PLB1: variants seen among roughly 807,000 people sequenced by gnomAD.
PLB1 encodes the protein phospholipase B1, membrane-associated.
PLB1 carries 242 observed loss-of-function variants against 227.4 expected under a neutral mutation model. The ratio of observed to expected loss-of-function variants is 1.06; its 90% CI spans 0.96 to 1.18. The LOEUF (loss-of-function observed/expected upper bound fraction) is 1.18, where lower values mean the gene tolerates loss of function less well. Ranked by LOEUF, PLB1 falls within the 50% of genes most tolerant of loss-of-function variation. The probability of loss-of-function intolerance (pLI) is 0.00; values close to 1 mark genes in which losing one functional copy is unlikely to be tolerated. For missense variants in PLB1, 1,858 were observed against 1,816.3 expected, an observed-to-expected ratio of 1.02 and a Z score of -0.42; for synonymous variants, 757 against 682.2, an observed-to-expected ratio of 1.11 and a Z score of -1.71.
At chr2:28,573,358 G>A in intron 21 of PLB1, 53 bp downstream of exon 21, 1 of 1,410,670 alleles carries the variant, frequency 7.1e-7, no homozygotes, top group Non-Finnish European at 1.0e-6. Context: ...GAGGACCAGG[G>A]GTGGGCTTGG....
intron 46 of PLB1, among the ~76,000 whole-genome samples, chr2:28,619,727 T>C (rs1028463829): frequency 6.6e-6 from 1 of 152,092 alleles, no homozygotes; most frequent in Admixed American, 6.5e-5. Context: ...GGCAGGTAAT[T>C]AGCTTAGCCC....
At chr2:28,596,713 G>A (rs1400947303) in intron 33 of PLB1, among the ~76,000 whole-genome samples, 1 of 152,218 alleles carries the variant, frequency 6.6e-6, no homozygotes, top group African/African-American at 2.4e-5. Flanking sequence ...CCATCCACGA[G>A]CAAGTTAGGC....
Position 28,525,934 on chromosome 2 carries a change from G to A in PLB1, c.314G>A (p.Gly105Glu). 6.2e-7 allele frequency: 1 copy of A among 1,614,098 alleles called. No individual in the cohort carries two copies. The highest frequency in any genetic ancestry group is 1.1e-5 in the South Asian group (1 of 91,076). ...GAAAGGCCACAGCAGGTGTGCATGG[G>A]AGTGATGACAGGTGAGTTGTGGTTT... ...WTERPQQVCMGVMTVLSDIIR... is the reference protein window; with the variant it reads ...WTERPQQVCMEVMTVLSDIIR... Residue 105 changes from glycine to glutamate, a missense_variant, in exon 6 of 58, where the codon GGA (glycine) becomes GAA (glutamate). Coordinates refer to ENST00000327757, the MANE Select transcript of PLB1 (RefSeq NM_153021.5).
At chr2:28,542,417 T>C (rs1191940302) in intron 13 of PLB1, among the ~76,000 whole-genome samples, 3 of 152,032 alleles carry the variant, frequency 2.0e-5, no homozygotes, top group African/African-American at 4.8e-5. Context: ...CTGTGTGACC[T>C]TGGACAAGGT....
chr2:28,573,586 A>G (rs1573068992), intron 21 of PLB1, among the ~76,000 whole-genome samples: 1 of 152,218 alleles, frequency 6.6e-6, no homozygotes, highest in Non-Finnish European at 1.5e-5. Context: ...GACATAGGTT[A>G]TAAGCAGGCT....
At chr2:28,593,562 T>C (rs1399476790) in intron 32 of PLB1, 119 bp from the exon 33 acceptor site, 7 of 797,682 alleles carry the variant, frequency 8.8e-6, no homozygotes, top group Non-Finnish European at 1.1e-5. Flanking sequence ...CCTGGTTCCA[T>C]GTCTGCTCCT....
chr2:28,629,742 G>A (rs549086536), intron 53 of PLB1, among the ~76,000 whole-genome samples: 1 of 152,294 alleles, frequency 6.6e-6, no homozygotes, highest in South Asian at 2.1e-4. Flanking sequence ...CCTTGATGGG[G>A]CCTGTCCTTG....
rs1333115125 is a variant in PLB1 at position 28,643,511 on chromosome 2, A to G, written c.*450A>G. Reference sequence around the variant, plus strand: ...GAGCTGGCTGGTTGCCATTCAGTCCAATCCAACACATACCTATTAAGCAAC... The same window carrying G: ...GAGCTGGCTGGTTGCCATTCAGTCCGATCCAACACATACCTATTAAGCAAC... On this transcript the variant is annotated 3_prime_UTR_variant, in exon 58 of 58. Transcript: ENST00000327757. 7 of 162,418 alleles carry G rather than the reference A, an allele frequency of 4.3e-5. No individual in the cohort carries two copies. Among genetic ancestry groups the G allele is most frequent in the Non-Finnish European group, 6.7e-5 (5 of 74,466 alleles). 10.1% of individuals were successfully genotyped at this position (162,418 alleles called of 1,614,324 possible).
At chr2:28,566,498 A>G (rs1676927935) in intron 19 of PLB1, 2 of 391,084 alleles carry the variant, frequency 5.1e-6, no homozygotes, top group Non-Finnish European at 9.3e-6. Context: ...CAGACGAGGG[A>G]CTACTTCCCC....
chr2:28,587,812 C>A (rs373089343), intron 26 of PLB1, among the ~76,000 whole-genome samples: 1 of 152,166 alleles, frequency 6.6e-6, no homozygotes, highest in African/African-American at 2.4e-5. Flanking sequence ...GGAAAGCAGG[C>A]GTTCTCTCAT....
chr2:28,641,567 C>A (rs1477870716), intron 57 of PLB1, among the ~76,000 whole-genome samples: 1 of 152,162 alleles, frequency 6.6e-6, no homozygotes, highest in African/African-American at 2.4e-5. Context: ...GAGGTCATGC[C>A]ACTGCACTCC....
intron 9 of PLB1, 145 bp downstream of exon 9, chr2:28,532,339 TGG>T: frequency 5.5e-6 from 3 of 542,860 alleles, no homozygotes; most frequent in Non-Finnish European, 9.8e-6. Context: ...GATGGATGGA[TGG>T]ATGGATAGAT....
At chr2:28,530,111 G>T (rs913144888) in intron 8 of PLB1, among the ~76,000 whole-genome samples, 1 of 151,980 alleles carries the variant, frequency 6.6e-6, no homozygotes, top group Non-Finnish European at 1.5e-5. Flanking sequence ...TGCCCGCCTC[G>T]GCCTCCTAAA....
chr2:28,496,224 C>T, intron 1 of PLB1, 55 bp downstream of exon 1: 3 of 1,553,618 alleles, frequency 1.9e-6, no homozygotes, highest in Non-Finnish European at 1.8e-6. Flanking sequence ...GCTGGTGTCC[C>T]ATGTTGCTTA....
At position 28,525,743 on chromosome 2, in the gene PLB1, A is replaced by G. The variant is rs572197638; in HGVS notation, c.285-162A>G. Among the ~76,000 whole-genome samples, 8 of 152,252 alleles carry G rather than the reference A, an allele frequency of 5.3e-5. No homozygotes were observed. The South Asian group carries it at 8.3e-4, about 16-fold the overall frequency. On this transcript the variant is annotated intron_variant, in intron 5 of 57. Coordinates refer to ENST00000327757, the MANE Select transcript of PLB1 (RefSeq NM_153021.5). ...CTGTTTTCCCCATTTTGGCTACTCC[A>G]TGGCCACTTGAGGTGTGCCTATAAC...
chr2:28,564,880 A>G (rs1023380673), intron 18 of PLB1, among the ~76,000 whole-genome samples: 4 of 152,248 alleles, frequency 2.6e-5, no homozygotes, highest in Admixed American at 6.5e-5. Context: ...CATAGGTGAG[A>G]TATATTGGTA....
chr2:28,597,304 C>T (rs144605826), intron 33 of PLB1, among the ~76,000 whole-genome samples: 4 of 147,208 alleles, frequency 2.7e-5, no homozygotes, highest in African/African-American at 1.0e-4. Context: ...TGGAATATAA[C>T]ATGCTGGGAT....
chr2:28,619,114 G>T (rs1291521757), intron 46 of PLB1, among the ~76,000 whole-genome samples: 2 of 152,148 alleles, frequency 1.3e-5, no homozygotes, highest in Non-Finnish European at 2.9e-5. Context: ...TGTGGCATGG[G>T]GTTTGTTGCA....
At chr2:28,496,769 C>T (rs1025966824) in intron 1 of PLB1, among the ~76,000 whole-genome samples, 7 of 152,180 alleles carry the variant, frequency 4.6e-5, no homozygotes, top group Non-Finnish European at 1.0e-4. Flanking sequence ...CTGCCACAAT[C>T]CCTCTCTGCC....
Sources: allele counts gnomAD v4.1 joint callset (sites outside exome capture counted in the v4.1 genomes callset), GRCh38; gene constraint gnomAD v4.1.1; transcripts MANE v1.5; gene names NCBI Gene and HGNC (gene_info 2026-07-23, HGNC 2026-07-21).